Variants in GRHL1 observed in about 807,000 individuals in gnomAD.
GRHL1 encodes the protein grainyhead-like protein 1 homolog.
Under a neutral mutation model 75.7 loss-of-function variants are expected in GRHL1, and 38 were observed. The ratio of observed to expected loss-of-function variants is 0.50; its 90% CI spans 0.39 to 0.66. GRHL1 has a LOEUF of 0.66. GRHL1 is among the 30% of genes least tolerant of loss of function. The probability of loss-of-function intolerance (pLI) is 0.00; values close to 1 mark genes in which losing one functional copy is unlikely to be tolerated. For missense variants in GRHL1, 589 were observed against 767.5 expected (o/e 0.77, Z 2.75); for synonymous variants, 266 against 279.4 (o/e 0.95, Z 0.48).
intron 8 of GRHL1, among the ~76,000 whole-genome samples, chr2:9,972,511 A>G (rs1018768875): frequency 1.3e-5 from 2 of 152,168 alleles, no homozygotes; most frequent in Non-Finnish European, 2.9e-5. Context: ...TCTTCTGCCC[A>G]CAAGACCCTC....
chr2:9,964,379 G>T (rs1437781162), intron 7 of GRHL1, 33 bp downstream of exon 7: 1 of 1,104,022 alleles, frequency 9.1e-7, no homozygotes, highest in Admixed American at 2.0e-5. Flanking sequence ...TTTATTCCCA[G>T]AGGTGCAGCC....
chr2:9,984,523 TAGC>T (rs1326641570), intron 8 of GRHL1, among the ~76,000 whole-genome samples: 7 of 152,234 alleles, frequency 4.6e-5, no homozygotes, highest in African/African-American at 1.7e-4. Context: ...TCCTCTTAAG[TAGC>T]AGCTTCCAAT....
intron 8 of GRHL1, among the ~76,000 whole-genome samples, chr2:9,978,330 G>C (rs190631778): frequency 6.6e-6 from 1 of 152,330 alleles, no homozygotes. Context: ...TGAGGGGATG[G>C]TGATGAGAAA....
chr2:9,979,169 G>GAAAAA (rs1313941842), intron 8 of GRHL1, among the ~76,000 whole-genome samples: 1 of 74,896 alleles, frequency 1.3e-5, no homozygotes, highest in African/African-American at 6.2e-5. Context: ...AAAAAAAAAG[G>GAAAAA]AAACCTTATC....
rs573575634 is a variant in GRHL1 at position 9,987,462 on chromosome 2, C to T, written c.1269+1180C>T. On this transcript the variant is annotated intron_variant, in intron 9 of 15. Transcript: ENST00000324907. This position sits in a 1 kb window ranked among gnomAD's most constrained non-coding sequence, Gnocchi z 4.2. ...GGAAGTGTAGGCAGTCACCCCTGCACGGGAGCTCTTCCTTAGCTGTGTCCG... is the reference window on the plus strand; with the variant it reads ...GGAAGTGTAGGCAGTCACCCCTGCATGGGAGCTCTTCCTTAGCTGTGTCCG... Among the ~76,000 whole-genome samples the T allele has an allele frequency of 2.6e-5, 4 of 152,296 alleles. No homozygotes were observed. Among genetic ancestry groups the T allele is most frequent in the African/African-American group, 9.6e-5 (4 of 41,568 alleles).
At chr2:9,958,098 T>C (rs6708858) in intron 2 of GRHL1, among the ~76,000 whole-genome samples, 77,191 of 151,980 alleles carry the variant, frequency 0.51, 21,341 homozygotes, top group African/African-American at 0.73. Flanking sequence ...AAGAGCTCCG[T>C]TGTGTTTTCA....
In GRHL1 at chr2:9,965,113, A is replaced by G; in HGVS notation, c.1016-174A>G. 5.6e-6 allele frequency: 3 copies of G among 532,052 alleles called. No individual in the cohort carries two copies. The South Asian group carries it at 9.1e-5, about 16-fold the overall frequency. 33.0% of individuals were successfully genotyped at this position (532,052 alleles called of 1,614,324 possible). A position where few individuals can be genotyped will look rare whatever the true frequency, so the allele number is the denominator to read the frequency against. ...TGTCTAAGCTTGCCTCTATTACAAAAACTCTGTGATTCTTTTTCTTCGTAT... is the reference window on the plus strand; with the variant it reads ...TGTCTAAGCTTGCCTCTATTACAAAGACTCTGTGATTCTTTTTCTTCGTAT... On this transcript the variant is annotated intron_variant, in intron 7 of 15. Coordinates refer to ENST00000324907, the MANE Select transcript of GRHL1 (RefSeq NM_198182.3).
In GRHL1 at chr2:10,001,623, C is replaced by T. The variant is rs1669272235; in HGVS notation, c.*916C>T. 6.6e-6 allele frequency: 1 copy of T among 152,234 alleles called. No homozygotes were observed. Among genetic ancestry groups the T allele is most frequent in the African/African-American group, 2.4e-5 (1 of 41,470 alleles). 9.4% of individuals were successfully genotyped at this position (152,234 alleles called of 1,614,324 possible). On this transcript the variant is annotated 3_prime_UTR_variant, in exon 16 of 16. Transcript: ENST00000324907. Reference sequence around the variant, plus strand: ...GCATTCTGTAGCATAGCAAAACCTTCTCAAATGACAGAGATTCTGTTTGCT... The same window carrying T: ...GCATTCTGTAGCATAGCAAAACCTTTTCAAATGACAGAGATTCTGTTTGCT...
intron 4 of GRHL1, 62 bp from the exon 5 acceptor site, chr2:9,962,393 T>C: frequency 2.2e-6 from 2 of 901,494 alleles, no homozygotes; most frequent in East Asian, 4.8e-5. Context: ...GTACCAGAGC[T>C]TGGTCTTTAG....
intron 8 of GRHL1, among the ~76,000 whole-genome samples, chr2:9,982,968 G>A (rs1420583206): frequency 6.6e-6 from 1 of 152,086 alleles, no homozygotes; most frequent in Non-Finnish European, 1.5e-5. Context: ...TGACAGGTAA[G>A]GACCCTTGCA....
In GRHL1 at chr2:9,987,331, G is replaced by T. The variant is rs1473784729; in HGVS notation, c.1269+1049G>T. Among the ~76,000 whole-genome samples the T allele has an allele frequency of 6.6e-6, 1 of 152,164 alleles. No homozygotes were observed. The highest frequency in any genetic ancestry group is 1.5e-5 in the Non-Finnish European group (1 of 68,032). ...AAAGACACATTATGTAGAGATTTTT[G>T]AAATTACGTTTTAACTGATAGATTA... On this transcript the variant is annotated intron_variant, in intron 9 of 15. Coordinates refer to ENST00000324907, the MANE Select transcript of GRHL1 (RefSeq NM_198182.3). The surrounding 1 kb of genome is among the most constrained non-coding windows in gnomAD (Gnocchi z 4.2).
In GRHL1 at chr2:9,960,941, A is replaced by G. The variant is rs1034008784; in HGVS notation, c.279-105A>G. The stretch of plus-strand genomic sequence containing the variant: ...TTTGATGTTTTCTGTTTATTCTGTC[A>G]AGTGTTATTGCACAGGACCCAACAG... On this transcript the variant is annotated intron_variant, in intron 3 of 15. Coordinates refer to ENST00000324907, the MANE Select transcript of GRHL1 (RefSeq NM_198182.3). 6.5e-6 allele frequency: 5 copies of G among 771,946 alleles called. No homozygotes were observed. In the East Asian group the frequency reaches 8.1e-5, roughly 13 times the overall value. The allele number at this position is 771,946 out of a possible 1,614,324, so 47.8% of individuals were successfully genotyped here.
At chr2:9,963,379 C>T (rs941861802) in intron 5 of GRHL1, among the ~76,000 whole-genome samples, 2 of 152,132 alleles carry the variant, frequency 1.3e-5, no homozygotes, top group Non-Finnish European at 2.9e-5. Flanking sequence ...TCTGCTGAGC[C>T]GTGGCCTGGG....
intron 8 of GRHL1, among the ~76,000 whole-genome samples, chr2:9,981,696 A>G (rs749588458): frequency 1.3e-5 from 2 of 152,246 alleles, no homozygotes; most frequent in Non-Finnish European, 2.9e-5. Flanking sequence ...GATATTTTAT[A>G]TATCTACATT....
intron 8 of GRHL1, among the ~76,000 whole-genome samples, chr2:9,969,460 T>G (rs1409513478): frequency 2.0e-5 from 3 of 152,208 alleles, no homozygotes; most frequent in African/African-American, 7.2e-5. Context: ...CAGGGAAGAT[T>G]ACTTAAAAAT....
intron 9 of GRHL1, among the ~76,000 whole-genome samples, chr2:9,986,536 C>T (rs1388911235): frequency 6.6e-6 from 1 of 151,958 alleles, no homozygotes; most frequent in Non-Finnish European, 1.5e-5. Context: ...TGTGCCCCAG[C>T]CTTCCCAGTA....
In GRHL1 at chr2:9,964,300, C is replaced by T. The variant is rs778590610; in HGVS notation, c.969C>T (p.Tyr323=). Residue 323 remains tyrosine (Y), a synonymous_variant, in exon 7 of 16, where the codon TAC becomes TAT. Transcript: ENST00000324907. ...AAGATCAGTTAAGGCATTGGAAGTACTGGCACTCCCGGCAGCACACCGCTA... is the reference window on the plus strand; with the variant it reads ...AAGATCAGTTAAGGCATTGGAAGTATTGGCACTCCCGGCAGCACACCGCTA... ...SREDQLRHWK[Y]WHSRQHTAKQ... The T allele has an allele frequency of 1.9e-6, 3 of 1,612,194 alleles. No individual in the cohort carries two copies. The highest frequency in any genetic ancestry group is 4.5e-5 in the East Asian group (2 of 44,872).
intron 8 of GRHL1, among the ~76,000 whole-genome samples, chr2:9,967,326 C>T (rs535013936): frequency 1.1e-4 from 17 of 152,314 alleles, no homozygotes; most frequent in African/African-American, 2.9e-4. Flanking sequence ...AGATCTTGGC[C>T]GAAAGGCCCA....
intron 15 of GRHL1, 64 bp downstream of exon 15, chr2:9,999,093 A>G: frequency 2.7e-6 from 2 of 744,506 alleles, no homozygotes; most frequent in Non-Finnish European, 4.4e-6. Context: ...TGCTAGTGTG[A>G]CGCACCCCCC....
Sources: allele counts gnomAD v4.1 joint callset (sites outside exome capture counted in the v4.1 genomes callset), GRCh38; gene constraint gnomAD v4.1.1; non-coding constraint Gnocchi (gnomAD v3.1); transcripts MANE v1.5; gene names NCBI Gene and HGNC (gene_info 2026-07-23, HGNC 2026-07-21).